UNC5B: variants seen among roughly 807,000 people sequenced by gnomAD.
UNC5B encodes the protein unc-5 netrin receptor B, also known as netrin receptor UNC5B.
UNC5B carries 56 observed loss-of-function variants against 103.7 expected under a neutral mutation model. The ratio of observed to expected loss-of-function variants is 0.54; its 90% confidence interval spans 0.44 to 0.67. UNC5B has a LOEUF of 0.67. UNC5B is among the 30% of genes least tolerant of loss of function. The pLI is 0.00. For synonymous variants in UNC5B, 577 were observed against 542.0 expected, an observed-to-expected ratio of 1.06 and a Z score of -0.90; for missense variants, 1,194 against 1,284.5, an observed-to-expected ratio of 0.93 and a Z score of 1.08.
chr10:71,227,783 T>A (rs1480095895), intron 1 of UNC5B, among the ~76,000 whole-genome samples: 1 of 150,430 alleles, frequency 6.6e-6, no homozygotes, highest in Non-Finnish European at 1.5e-5. Context: ...TCTTATTTAA[T>A]GGGGAAACAC....
chr10:71,286,093 G>A (rs1195946076), intron 4 of UNC5B, among the ~76,000 whole-genome samples: 1 of 152,194 alleles, frequency 6.6e-6, no homozygotes, highest in African/African-American at 2.4e-5. Context: ...TATATGCTAG[G>A]CACTTAGCAC....
At chr10:71,246,523 C>T (rs1353840741) in intron 1 of UNC5B, among the ~76,000 whole-genome samples, 1 of 151,998 alleles carries the variant, frequency 6.6e-6, no homozygotes, top group Admixed American at 6.5e-5. Context: ...TATTCAATAT[C>T]TATTCACCAA....
At chr10:71,263,643 C>T (rs1393821010) in intron 1 of UNC5B, among the ~76,000 whole-genome samples, 1 of 152,170 alleles carries the variant, frequency 6.6e-6, no homozygotes, top group Admixed American at 6.5e-5. Flanking sequence ...GGGAAAATGC[C>T]GAGTATTTCT....
In UNC5B at chr10:71,297,969, C is replaced by T. The variant is rs1279381909; in HGVS notation, c.2551C>T (p.Leu851=). Residue 851 remains leucine, a synonymous_variant, in exon 16 of 17, where the codon CTG becomes TTG. Coordinates refer to ENST00000335350, the MANE Select transcript of UNC5B (RefSeq NM_170744.5). ...SAPGSTVTTQ[L]GPYAFKIPLS... is the part of the protein sequence containing the mutation. Reference sequence around the variant, plus strand: ...CCCTGGCAGCACTGTCACCACCCAGCTGGGACCTTATGCCTTCAAGATCCC... The same window carrying T: ...CCCTGGCAGCACTGTCACCACCCAGTTGGGACCTTATGCCTTCAAGATCCC... 5 of 1,613,920 alleles carry T rather than the reference C, an allele frequency of 3.1e-6. No homozygotes were observed. The highest frequency in any genetic ancestry group is 1.3e-5 in the African/African-American group (1 of 74,946).
At chr10:71,293,057 C>T (rs976722252) in intron 11 of UNC5B, among the ~76,000 whole-genome samples, 12 of 152,150 alleles carry the variant, frequency 7.9e-5, no homozygotes, top group Non-Finnish European at 1.3e-4. Flanking sequence ...GGAACATGGC[C>T]TTCTGTGGCA....
chr10:71,221,883 T>C (rs1843458830), intron 1 of UNC5B, among the ~76,000 whole-genome samples: 1 of 152,176 alleles, frequency 6.6e-6, no homozygotes, highest in South Asian at 2.1e-4. Context: ...CCTTCATTTG[T>C]AAAATGGGAG....
At chr10:71,276,356 C>T (rs767301113) in intron 1 of UNC5B, among the ~76,000 whole-genome samples, 2 of 152,156 alleles carry the variant, frequency 1.3e-5, no homozygotes, top group Non-Finnish European at 2.9e-5. Flanking sequence ...TGCAGCCTGG[C>T]CATAGGTCGC....
At chr10:71,279,304 G>A (rs980962218) in intron 1 of UNC5B, among the ~76,000 whole-genome samples, 7 of 152,172 alleles carry the variant, frequency 4.6e-5, no homozygotes, top group Non-Finnish European at 7.4e-5. Flanking sequence ...CCCCTGCCCC[G>A]CAGCCCTGGC....
chr10:71,231,051 T>G (rs974483476), intron 1 of UNC5B, among the ~76,000 whole-genome samples: 5 of 152,204 alleles, frequency 3.3e-5, no homozygotes, highest in Non-Finnish European at 7.3e-5. Context: ...ACTTCCTCTC[T>G]CTGAGCCTCA....
At chr10:71,250,879 A>C (rs1392492936) in intron 1 of UNC5B, among the ~76,000 whole-genome samples, 3 of 152,212 alleles carry the variant, frequency 2.0e-5, no homozygotes, top group African/African-American at 7.2e-5. Context: ...TAGACACTGA[A>C]GAGGGGAATA....
intron 1 of UNC5B, among the ~76,000 whole-genome samples, chr10:71,221,126 T>A (rs1843444117): frequency 6.6e-6 from 1 of 152,226 alleles, no homozygotes; most frequent in Non-Finnish European, 1.5e-5. Flanking sequence ...GGAATGCCCT[T>A]GCACGCATTA....
At position 71,265,734 on chromosome 10, in the gene UNC5B, A is replaced by G. The variant is rs140673125; in HGVS notation, c.80-14087A>G. 3.3e-5 allele frequency among the ~76,000 whole-genome samples: 5 copies of G among 152,280 alleles called. No individual in the cohort carries two copies. The East Asian group carries it at 9.7e-4, about 29-fold the overall frequency. On this transcript the variant is annotated intron_variant, in intron 1 of 16. Coordinates refer to ENST00000335350, the MANE Select transcript of UNC5B (RefSeq NM_170744.5). ...GCTCTGGGCCAGCCGGGCAGCGAGC[A>G]CAGTGGACGGGCTCCACCTTCCCTG...
rs949665777 is a variant in UNC5B, at chr10:71,242,665, G to A, written c.79+29601G>A. The stretch of plus-strand genomic sequence containing the variant: ...CTGGCTGTCCCTGCAGAGGGTTGGC[G>A]GTCTGCCATGGCAGGCCAGGAGTGC... On this transcript the variant is annotated intron_variant, in intron 1 of 16. Coordinates refer to ENST00000335350, the MANE Select transcript of UNC5B (RefSeq NM_170744.5). 3.9e-5 allele frequency among the ~76,000 whole-genome samples: 6 copies of A among 152,212 alleles called. No homozygotes were observed. The East Asian group carries it at 9.6e-4, about 24-fold the overall frequency.
chr10:71,225,397 A>T (rs551147831), intron 1 of UNC5B, among the ~76,000 whole-genome samples: 45 of 152,320 alleles, frequency 3.0e-4, no homozygotes, highest in Non-Finnish European at 4.7e-4. Context: ...GGCACCTCCC[A>T]TGCCTGGCTG....
At chr10:71,228,050 C>T (rs985167827) in intron 1 of UNC5B, among the ~76,000 whole-genome samples, 1 of 152,140 alleles carries the variant, frequency 6.6e-6, no homozygotes, top group Non-Finnish European at 1.5e-5. Context: ...CAGAATTAGA[C>T]CCAAATGTCT....
At position 71,296,762 on chromosome 10, in the gene UNC5B, C is replaced by G. The variant is rs12781820; in HGVS notation, c.2490+20C>G. ...GCAGAGGTGAGGGAAGTCGGGGCCA[C>G]ATATTCCAGCTGCACACCACACTGG... is the stretch of plus-strand genomic sequence containing the variant. On this transcript the variant is annotated intron_variant, in intron 15 of 16. Coordinates refer to ENST00000335350, the MANE Select transcript of UNC5B (RefSeq NM_170744.5). 400 of 1,591,090 alleles carry G rather than the reference C, an allele frequency of 2.5e-4. 6 individuals are homozygous for G. The African/African-American group carries it at 2.6e-3, about 10-fold the overall frequency.
intron 2 of UNC5B, among the ~76,000 whole-genome samples, chr10:71,283,381 G>C (rs1844981170): frequency 6.6e-6 from 1 of 152,218 alleles, no homozygotes; most frequent in African/African-American, 2.4e-5. Context: ...TACCTTGAGA[G>C]TTTACTATGA....
intron 1 of UNC5B, among the ~76,000 whole-genome samples, chr10:71,224,364 G>GACACACAC (rs58378731): frequency 0.012 from 1,177 of 97,328 alleles, 49 homozygotes; most frequent in Non-Finnish European, 0.015. Context: ...TCTGTATGTA[G>GACACACAC]ACACACACAC....
chr10:71,296,599 T>G lies in UNC5B; in HGVS notation c.2347T>G (p.Trp783Gly). 6.2e-7 allele frequency: 1 copy of G among 1,613,934 alleles called. No individual in the cohort carries two copies. The highest frequency in any genetic ancestry group is 8.5e-7 in the Non-Finnish European group (1 of 1,180,010). Residue 783 changes from tryptophan to glycine, a missense_variant, in exon 15 of 17, where the codon TGG becomes GGG. By Grantham distance (184) the Trp-to-Gly change is radical (BLOSUM62 -2). Transcript: ENST00000335350. ...GCAGGAGATCCCCTTCTATCACATTTGGAGTGGCAGCCAGAAGGCCCTCCA... is the reference window on the plus strand; with the variant it reads ...GCAGGAGATCCCCTTCTATCACATTGGGAGTGGCAGCCAGAAGGCCCTCCA... ...KYQEIPFYHI[W>G]SGSQKALHCT...
Sources: allele counts gnomAD v4.1 joint callset (sites outside exome capture counted in the v4.1 genomes callset), GRCh38; gene constraint gnomAD v4.1.1; transcripts MANE v1.5; gene names NCBI Gene and HGNC (gene_info 2026-07-23, HGNC 2026-07-21).